COL12A1: variants seen among roughly 807,000 people sequenced by gnomAD.
COL12A1 encodes the protein collagen alpha-1(XII) chain.
In COL12A1, 114 loss-of-function variants were observed where a neutral mutation model predicts 349.7. The ratio of observed to expected loss-of-function variants is 0.33; its 90% CI spans 0.28 to 0.38. COL12A1 has a LOEUF of 0.38. COL12A1 is among the 10% of genes least tolerant of loss of function. The probability of loss-of-function intolerance (pLI) is 1.00; values close to 1 mark genes in which losing one functional copy is unlikely to be tolerated. For missense variants in COL12A1, 3,284 were observed against 3,756.9 expected, an observed-to-expected ratio of 0.87 and a Z score of 3.29; for synonymous variants, 1,369 against 1,329.0, an observed-to-expected ratio of 1.03 and a Z score of -0.66.
chr6:75,164,418 A>G (rs1248749217), intron 14 of COL12A1, among the ~76,000 whole-genome samples: 3 of 152,162 alleles, frequency 2.0e-5, no homozygotes, highest in Admixed American at 6.5e-5. Flanking sequence ...TTTCTTTTTT[A>G]TAGAAGGAAA....
At chr6:75,092,496 T>G (rs571735840) in intron 60 of COL12A1, among the ~76,000 whole-genome samples, 1 of 152,336 alleles carries the variant, frequency 6.6e-6, no homozygotes, top group South Asian at 2.1e-4. Context: ...AAGTTTTCCT[T>G]AGAGTGCAAC....
chr6:75,175,153 T>C lies in COL12A1; in HGVS notation c.2595A>G (p.Thr865=). 6.2e-7 allele frequency: 1 copy of C among 1,614,182 alleles called. No individual in the cohort carries two copies. The highest frequency in any genetic ancestry group is 1.7e-5 in the Admixed American group (1 of 60,014). Residue 865 remains threonine (T), a synonymous_variant, in exon 13 of 66, where the codon ACA becomes ACG. Transcript: ENST00000322507. ...ETQEVTVRGD[T]TNTVLQGLKE... Reference sequence around the variant, plus strand: ...TCAATCCCTGCAGCACCGTATTGGTTGTATCTCCCCTCACAGTGACCTCTT... The same window carrying C: ...TCAATCCCTGCAGCACCGTATTGGTCGTATCTCCCCTCACAGTGACCTCTT...
intron 59 of COL12A1, among the ~76,000 whole-genome samples, chr6:75,096,260 A>G (rs1469208133): frequency 1.3e-5 from 2 of 152,224 alleles, no homozygotes; most frequent in East Asian, 3.8e-4. Flanking sequence ...GTTAATCTCT[A>G]TAGTAAATAC....
rs757737726 is a variant in COL12A1 at position 75,134,825 on chromosome 6, C to T, written c.5425G>A (p.Val1809Ile). ...GTGTCTGGCTTCAGTTTCTGCAGGA[C>T]CACACTGTTCTGCCGTCCTCCTATT... is the stretch of plus-strand genomic sequence containing the variant. ...TTIGGRQNSV[V>I]LQKLKPDTPY... Residue 1809 changes from valine to isoleucine, a missense_variant, in exon 32 of 66, where the codon GTC (valine) becomes ATC (isoleucine). Around this residue, in one of 2 missense-constraint regions of COL12A1, gnomAD observed 2,601 missense variants for 2,824.8 expected, o/e 0.92. Transcript: ENST00000322507. 7 of 1,612,450 alleles carry T rather than the reference C, an allele frequency of 4.3e-6. No individual in the cohort carries two copies. The East Asian group carries it at 6.7e-5, about 15-fold the overall frequency.
At position 75,102,708 on chromosome 6, in the gene COL12A1, G is replaced by C. The variant is rs779308474; in HGVS notation, c.8320-16C>G. The C allele has an allele frequency of 1.3e-5, 19 of 1,506,878 alleles. No individual in the cohort carries two copies. Among genetic ancestry groups the C allele is most frequent in the Non-Finnish European group, 1.7e-5 (19 of 1,126,908 alleles). The allele number at this position is 1,506,878 out of a possible 1,614,324, so 93.3% of individuals were successfully genotyped here. On this transcript the variant is annotated splice_polypyrimidine_tract_variant and intron_variant, in intron 55 of 65. Transcript: ENST00000322507. The stretch of plus-strand genomic sequence containing the variant: ...CAGGGGGCCCCTAAAATACACAAGA[G>C]AGAGACAACCACAAAGTAATGTAAT...
Position 75,165,757 on chromosome 6 carries a change from T to C in COL12A1, c.2733A>G (p.Leu911=). The C allele has an allele frequency of 6.2e-7, 1 of 1,613,842 alleles. No homozygotes were observed. Among genetic ancestry groups the C allele is most frequent in the South Asian group, 1.1e-5 (1 of 91,036 alleles). ...ATGTGTCAGTGATGTCTTTAGTAAC[T>C]AAATCTTGAGGAGAACCACGTTCTA... The part of the protein sequence containing the change: ...TLEERGSPQD[L]VTKDITDTSI... The change falls in exon 14 of 66, where the codon TTA becomes TTG. Residue 911 remains leucine (L), a synonymous_variant. Coordinates refer to ENST00000322507, the MANE Select transcript of COL12A1 (RefSeq NM_004370.6).
At chr6:75,089,384 G>A (rs1240374291) in intron 63 of COL12A1, among the ~76,000 whole-genome samples, 1 of 152,092 alleles carries the variant, frequency 6.6e-6, no homozygotes, top group South Asian at 2.1e-4. Flanking sequence ...TGGCTACAAG[G>A]CAGGGGAAAA....
chr6:75,114,612 T>C (rs951972464), intron 49 of COL12A1, among the ~76,000 whole-genome samples: 9 of 152,006 alleles, frequency 5.9e-5, no homozygotes, highest in Admixed American at 6.6e-5. Flanking sequence ...CCTCCATGAA[T>C]TTTGATAGAG....
chr6:75,124,875 T>G lies in COL12A1; in HGVS notation c.6607+252A>C, dbSNP rs1765935006. ...ATGGATAAAATGACAATTTCTATAATTTTTATCTTTTAAAATTCAAAGTAT... is the reference window on the plus strand; with the variant it reads ...ATGGATAAAATGACAATTTCTATAAGTTTTATCTTTTAAAATTCAAAGTAT... On this transcript the variant is annotated intron_variant, in intron 40 of 65. Coordinates refer to ENST00000322507, the MANE Select transcript of COL12A1 (RefSeq NM_004370.6). Among the ~76,000 whole-genome samples the G allele has an allele frequency of 2.0e-5, 3 of 152,166 alleles. No individual in the cohort carries two copies. In the South Asian group the frequency reaches 6.2e-4, roughly 31 times the overall value.
Position 75,106,211 on chromosome 6 carries a change from G to A in COL12A1, c.8178+208C>T, listed in dbSNP as rs1022880925. ...ACTTTTCTCTTAGGGAGAAGTCCCA[G>A]AAACAGTCTGTGTATTACCAGCTTG... On this transcript the variant is annotated intron_variant, in intron 53 of 65. Transcript: ENST00000322507. Among the ~76,000 whole-genome samples, 4 of 152,164 alleles carry A rather than the reference G, an allele frequency of 2.6e-5. No homozygotes were observed. The East Asian group carries it at 5.8e-4, about 22-fold the overall frequency.
rs1192393412 is a variant in COL12A1, at chr6:75,115,853, T to G, written c.7628A>C (p.Glu2543Ala). ...NFASVQGVSL[E>A]SGSFPSYSAY... ...TGAGTAGCTGGGGAAAGACCCTGAC[T>G]CCAAAGATACTCCTTGTACAGAAGC... The change falls in exon 49 of 66, where the codon GAG becomes GCG. Residue 2543 changes from glutamate (E) to alanine (A), a missense_variant. Transcript: ENST00000322507. The G allele has an allele frequency of 6.2e-7, 1 of 1,613,694 alleles. No homozygotes were observed. Among genetic ancestry groups the G allele is most frequent in the South Asian group, 1.1e-5 (1 of 91,068 alleles).
rs1767764837 is a variant in COL12A1, at chr6:75,091,477, TA to T, written c.8685+12del. 2 of 1,612,930 alleles carry T rather than the reference TA, an allele frequency of 1.2e-6. No homozygotes were observed. The highest frequency in any genetic ancestry group is 1.7e-4 in the Middle Eastern group (1 of 5,894). ...CACACAAAATAAACGTAAGATTTTT[TA>T]AAAATACATACCCTATCACCTTTTT... is the stretch of plus-strand genomic sequence containing the variant. On this transcript the variant is annotated intron_variant, in intron 61 of 65. Transcript: ENST00000322507.
At chr6:75,099,687 G>A (rs528631188) in intron 58 of COL12A1, among the ~76,000 whole-genome samples, 29 of 152,196 alleles carry the variant, frequency 1.9e-4, no homozygotes, top group Non-Finnish European at 2.9e-4. Context: ...AACCAAGTGA[G>A]GGGGCTGAGA....
chr6:75,181,959 G>T (rs1769329931), intron 10 of COL12A1, among the ~76,000 whole-genome samples: 1 of 150,562 alleles, frequency 6.6e-6, no homozygotes, highest in African/African-American at 2.5e-5. Context: ...AGCCAGGCGT[G>T]GTGGCACACT....
In COL12A1 at chr6:75,087,715, C is replaced by T. The variant is rs1242060954; in HGVS notation, c.9043G>A (p.Gly3015Arg). 6.2e-7 allele frequency: 1 copy of T among 1,607,154 alleles called. No individual in the cohort carries two copies. Among genetic ancestry groups the T allele is most frequent in the East Asian group, 2.2e-5 (1 of 44,674 alleles). ...PQGESRTGPP[G>R]STGSRGPPGP... ...GGGGGACCTCTTGAACCTGTGGACC[C>T]TGGTGGACCTGTTCTGGATTCTCCT... is the stretch of plus-strand genomic sequence containing the variant. The change falls in exon 65 of 66, where the codon GGG (glycine) becomes AGG (arginine). Residue 3015 changes from glycine (G) to arginine (R), a missense_variant. Transcript: ENST00000322507.
At chr6:75,126,215 A>G (rs1766005587) in intron 39 of COL12A1, 136 bp downstream of exon 39, 1 of 937,344 alleles carries the variant, frequency 1.1e-6, no homozygotes, top group East Asian at 2.9e-5. Flanking sequence ...TGCCAAAAAC[A>G]TTGCCTTTGG....
Position 75,113,254 on chromosome 6 carries a change from T to C in COL12A1, c.7900A>G (p.Thr2634Ala). ...GTCTTTACTTCTTCTGTGTCAAATG[T>C]AACAGTTTGCACCTCGCCTCTTGTA... is the stretch of plus-strand genomic sequence containing the variant. ...KDTRGEVQTV[T>A]FDTEEVKTLF... The change falls in exon 51 of 66, where the codon ACA (threonine) becomes GCA (alanine). Residue 2634 changes from threonine (T) to alanine (A), a missense_variant. This residue lies in a region of COL12A1 where 683 missense variants were observed against 932.1 expected (regional missense o/e 0.73). Transcript: ENST00000322507. The C allele has an allele frequency of 6.4e-7, 1 of 1,566,184 alleles. No homozygotes were observed. Among genetic ancestry groups the C allele is most frequent in the African/African-American group, 1.4e-5 (1 of 72,566 alleles).
chr6:75,152,605 C>A, intron 17 of COL12A1, 123 bp from the exon 18 acceptor site: 1 of 1,058,860 alleles, frequency 9.4e-7, no homozygotes, highest in South Asian at 1.4e-5. Context: ...TGGTCTAGCT[C>A]AGTGATGTGG....
chr6:75,098,844 T>C (rs560761620), intron 58 of COL12A1, among the ~76,000 whole-genome samples: 10 of 152,334 alleles, frequency 6.6e-5, no homozygotes, highest in African/African-American at 2.4e-4. Flanking sequence ...AGGCTTGATC[T>C]CTGGCTCGTG....
Sources: gnomAD v4.1 joint callset for allele counts (sites outside exome capture counted in the v4.1 genomes callset) on GRCh38, gnomAD v4.1.1 for gene constraint, gnomAD v4.1.1 regional missense constraint, MANE v1.5 for transcripts, NCBI Gene and HGNC (gene_info 2026-07-23, HGNC 2026-07-21) for gene names.